The following MSH5 variants were observed in gnomAD, a reference collection of about 807,000 sequenced individuals.
The protein encoded by MSH5 is mutS homolog 5.
In MSH5, 78 loss-of-function variants were observed where a neutral mutation model predicts 107.7. That is an observed-to-expected ratio of 0.72 (90% CI 0.60 to 0.87). The LOEUF (loss-of-function observed/expected upper bound fraction) is 0.87. Among genes scored for constraint, MSH5 ranks in the 40% least tolerant of loss-of-function variants. The probability of loss-of-function intolerance (pLI) is 0.00; values close to 1 mark genes in which losing one functional copy is unlikely to be tolerated. For synonymous variants in MSH5, 326 were observed against 399.5 expected (o/e 0.82, Z 2.19); for missense variants, 889 against 1,046.6 (o/e 0.85, Z 2.08).
intron 12 of MSH5, among the ~76,000 whole-genome samples, chr6:31,756,171 T>G (rs1320013193): frequency 6.6e-6 from 1 of 152,190 alleles, no homozygotes. Context: ...TATTCATTTA[T>G]TTATTTATTT....
Position 31,758,071 on chromosome 6 carries a change from T to C in MSH5, c.1015-94T>C. The C allele has an allele frequency of 6.7e-7, 1 of 1,495,850 alleles. No individual in the cohort carries two copies. The highest frequency in any genetic ancestry group is 9.2e-7 in the Non-Finnish European group (1 of 1,085,318). 92.7% of individuals were successfully genotyped at this position (1,495,850 alleles called of 1,614,324 possible). Reference sequence around the variant, plus strand: ...TCTTCCCTCTTTGTTACTGTGATCTTCCCTACTGGTCTTTGTTCTTCTGAG... The same window carrying C: ...TCTTCCCTCTTTGTTACTGTGATCTCCCCTACTGGTCTTTGTTCTTCTGAG... On this transcript the variant is annotated intron_variant, in intron 12 of 24. Transcript: ENST00000375750. This position sits in a 1 kb window ranked among gnomAD's most constrained non-coding sequence, Gnocchi z 5.1.
rs375962590 is a variant in MSH5, at chr6:31,741,302, T to C, written c.271+16T>C. The C allele has an allele frequency of 3.3e-4, 529 of 1,608,650 alleles. 1 individual carries two copies. Among genetic ancestry groups the C allele is most frequent in the Middle Eastern group, 1.9e-3 (11 of 5,712 alleles). On this transcript the variant is annotated intron_variant, in intron 3 of 24. Transcript: ENST00000375750. ...CTCCAGAGAGGTGGGGATGGAACCA[T>C]GAATTCCTCTGCTCTCTGGGATTGC...
chr6:31,745,636 G>A (rs781351659), intron 9 of MSH5, among the ~76,000 whole-genome samples: 3 of 152,034 alleles, frequency 2.0e-5, no homozygotes, highest in Non-Finnish European at 2.9e-5. Context: ...ATAGAGAAGA[G>A]TTTTGTAACT....
intron 8 of MSH5, 133 bp from the exon 9 acceptor site, chr6:31,745,103 CA>C (rs9279403): frequency 0.064 from 22,745 of 353,118 alleles, 2 homozygotes; most frequent in Non-Finnish European, 0.074. Context: ...GACTCCATCT[CA>C]AAAAAAAAAA....
In MSH5 at chr6:31,761,520, C is replaced by G; in HGVS notation, c.2086C>G (p.Arg696Gly). Reference protein sequence around the residue: ...LAAVLRHWLARGPTCPHIFVA... With the variant: ...LAAVLRHWLAGGPTCPHIFVA... ...CGCTGTGCTCCGACACTGGCTGGCA[C>G]GTGGACCCACATGCCCCCACATCTT... The change falls in exon 22 of 25, where the codon CGT (arginine) becomes GGT (glycine). Residue 696 changes from arginine (R) to glycine (G), a missense_variant. Arg to Gly is a moderately radical substitution (Grantham distance 125, BLOSUM62 -2). Around this residue, in one of 3 missense-constraint regions of MSH5, gnomAD observed 362 missense variants for 456.2 expected, o/e 0.79. Coordinates refer to ENST00000375750, the MANE Select transcript of MSH5 (RefSeq NM_172166.4). This position sits in a 1 kb window ranked among gnomAD's most constrained non-coding sequence, Gnocchi z 5.3. 6.2e-7 allele frequency: 1 copy of G among 1,613,792 alleles called. No individual in the cohort carries two copies. The highest frequency in any genetic ancestry group is 1.7e-4 in the Middle Eastern group (1 of 5,910).
At position 31,761,447 on chromosome 6, in the gene MSH5, A is replaced by C; in HGVS notation, c.2038-25A>C. Reference sequence around the variant, plus strand: ...GCATATGGGGTCCCCATGGCTCCGAATGCTAACCTCTGCCCTCTTTGCAGG... The same window carrying C: ...GCATATGGGGTCCCCATGGCTCCGACTGCTAACCTCTGCCCTCTTTGCAGG... On this transcript the variant is annotated intron_variant, in intron 21 of 24. Coordinates refer to ENST00000375750, the MANE Select transcript of MSH5 (RefSeq NM_172166.4). This position sits in a 1 kb window ranked among gnomAD's most constrained non-coding sequence, Gnocchi z 5.3. 1 of 1,612,166 alleles carries C rather than the reference A, an allele frequency of 6.2e-7. No homozygotes were observed. Among genetic ancestry groups the C allele is most frequent in the East Asian group, 2.2e-5 (1 of 44,886 alleles).
chr6:31,754,485 C>T (rs9296001), intron 12 of MSH5, among the ~76,000 whole-genome samples: 6,275 of 152,080 alleles, frequency 0.041, 185 homozygotes, highest in East Asian at 0.13. Context: ...CTACTTTCCC[C>T]TCTTGGATTA....
intron 6 of MSH5, 46 bp downstream of exon 6, chr6:31,744,071 C>T: frequency 6.2e-7 from 1 of 1,611,374 alleles, no homozygotes; most frequent in Non-Finnish European, 8.5e-7. Flanking sequence ...GGCACAAGTG[C>T]TAGGGCTGAA....
Position 31,744,266 on chromosome 6 carries a change from G to A in MSH5, c.614G>A (p.Ser205Asn), listed in dbSNP as rs765150543. The change falls in exon 7 of 25, where the codon AGC (serine) becomes AAC (asparagine). Residue 205 changes from serine (S) to asparagine (N), a missense_variant. Coordinates refer to ENST00000375750, the MANE Select transcript of MSH5 (RefSeq NM_172166.4). ...IGVELEDYNV[S>N]VPILGFKKFM... is the part of the protein sequence containing the mutation. ...GTTGAACTGGAAGACTATAATGTCA[G>A]CGTCCCCATCCTGGGCTTTAAGAAA... is the stretch of plus-strand genomic sequence containing the variant. The A allele has an allele frequency of 8.7e-6, 14 of 1,614,064 alleles. No individual in the cohort carries two copies. The highest frequency in any genetic ancestry group is 5.5e-5 in the South Asian group (5 of 91,090).
chr6:31,744,681 G>T, intron 8 of MSH5, 100 bp downstream of exon 8: 1 of 1,317,498 alleles, frequency 7.6e-7, no homozygotes, highest in Non-Finnish European at 1.1e-6. Context: ...TAATCCTGGG[G>T]CTATTAAGAT....
At chr6:31,749,736 C>CG (rs1809783296) in intron 10 of MSH5, among the ~76,000 whole-genome samples, 1 of 152,114 alleles carries the variant, frequency 6.6e-6, no homozygotes, top group African/African-American at 2.4e-5. Context: ...GCTATGAACT[C>CG]TATCTAGTAG....
rs925330930 is a variant in MSH5, at chr6:31,759,986, A to T, written c.1685+11A>T. On this transcript the variant is annotated intron_variant, in intron 18 of 24. Transcript: ENST00000375750. The surrounding 1 kb of genome is among the most constrained non-coding windows in gnomAD (Gnocchi z 4.7). Reference sequence around the variant, plus strand: ...AATCCAGAATGGCAGGTAAGAATAGAGGCGGGTGGAGGAATAGACATGAGG... The same window carrying T: ...AATCCAGAATGGCAGGTAAGAATAGTGGCGGGTGGAGGAATAGACATGAGG... The T allele has an allele frequency of 1.2e-6, 2 of 1,612,998 alleles. No individual in the cohort carries two copies. Among genetic ancestry groups the T allele is most frequent in the Non-Finnish European group, 1.7e-6 (2 of 1,179,658 alleles).
rs767273088 is a variant in MSH5 at position 31,759,618 on chromosome 6, C to G, written c.1495+106C>G. ...TTGGGGATGCTTCCAACAGGCCCCT[C>G]CTCTTCCTGCTCTCTGTCTCGCTCA... On this transcript the variant is annotated intron_variant, in intron 17 of 24. Transcript: ENST00000375750. This position sits in a 1 kb window ranked among gnomAD's most constrained non-coding sequence, Gnocchi z 4.7. 2.8e-4 allele frequency: 382 copies of G among 1,359,334 alleles called. 1 individual carries two copies. Among genetic ancestry groups the G allele is most frequent in the Middle Eastern group, 5.0e-4 (2 of 4,008 alleles). 84.2% of individuals were successfully genotyped at this position (1,359,334 alleles called of 1,614,324 possible). A position where few individuals can be genotyped will look rare whatever the true frequency, so the allele number is the denominator to read the frequency against.
chr6:31,761,326 A>G lies in MSH5; in HGVS notation c.2037+64A>G. 6.2e-7 allele frequency: 1 copy of G among 1,607,154 alleles called. No individual in the cohort carries two copies. The highest frequency in any genetic ancestry group is 1.1e-5 in the South Asian group (1 of 90,848). Reference sequence around the variant, plus strand: ...GGAAAATGGAGGAGGATGAAGGAGCATGACAGTGAGGCTGGGCCTCTGGAA... The same window carrying G: ...GGAAAATGGAGGAGGATGAAGGAGCGTGACAGTGAGGCTGGGCCTCTGGAA... On this transcript the variant is annotated intron_variant, in intron 21 of 24. Coordinates refer to ENST00000375750, the MANE Select transcript of MSH5 (RefSeq NM_172166.4). The surrounding 1 kb of genome is among the most constrained non-coding windows in gnomAD (Gnocchi z 5.3).
At chr6:31,745,188 C>A in intron 8 of MSH5, 49 bp from the exon 9 acceptor site, 2 of 1,098,096 alleles carry the variant, frequency 1.8e-6, no homozygotes, top group South Asian at 1.2e-5. Flanking sequence ...AATTCTTATT[C>A]CCTTCAAAAG....
intron 12 of MSH5, among the ~76,000 whole-genome samples, chr6:31,755,241 T>C (rs1293207954): frequency 2.0e-5 from 3 of 152,160 alleles, no homozygotes; most frequent in African/African-American, 7.2e-5. Flanking sequence ...AGCCTCAAAC[T>C]GTTGGGCTCA....
At chr6:31,744,614 G>A (rs113127136) in intron 8 of MSH5, 33 bp downstream of exon 8, 3 of 1,610,546 alleles carry the variant, frequency 1.9e-6, no homozygotes, top group Admixed American at 1.7e-5. Context: ...CTGTCTCTGG[G>A]GAGGGAGAAG....
chr6:31,761,505 C>T lies in MSH5; in HGVS notation c.2071C>T (p.Arg691Ter), dbSNP rs375591471. Residue 691 changes from arginine (R) to a stop codon, truncating the protein, a stop_gained, in exon 22 of 25, where the codon CGA becomes TGA. Coordinates refer to ENST00000375750, the MANE Select transcript of MSH5 (RefSeq NM_172166.4). LOFTEE classifies it high-confidence loss of function. This position sits in a 1 kb window ranked among gnomAD's most constrained non-coding sequence, Gnocchi z 5.3. ...GCTCGCGCTTCTGGCCGCTGTGCTC[C>T]GACACTGGCTGGCACGTGGACCCAC... The part of the protein sequence containing the change: ...DGLALLAAVL[R>*]HWLARGPTCP... The T allele has an allele frequency of 1.2e-5, 19 of 1,613,530 alleles. No individual in the cohort carries two copies. The highest frequency in any genetic ancestry group is 1.7e-5 in the Admixed American group (1 of 60,012).
chr6:31,760,703 C>G lies in MSH5; in HGVS notation c.1826C>G (p.Thr609Arg). Residue 609 changes from threonine (T) to arginine (R), a missense_variant, in exon 20 of 25, where the codon ACA (threonine) becomes AGA (arginine). Thr to Arg is a moderately conservative substitution (Grantham distance 71). Coordinates refer to ENST00000375750, the MANE Select transcript of MSH5 (RefSeq NM_172166.4). This position sits in a 1 kb window ranked among gnomAD's most constrained non-coding sequence, Gnocchi z 5.6. ...TTCCCTATTCAGGTAGGCTTGATCA[C>G]ATTCATGGCCCTGGTAGGCAGCTTT... ...SIYLKQVGLI[T>R]FMALVGSFVP... is the part of the protein sequence containing the mutation. The G allele has an allele frequency of 6.2e-7, 1 of 1,613,044 alleles. No individual in the cohort carries two copies. The highest frequency in any genetic ancestry group is 1.3e-5 in the African/African-American group (1 of 75,070).
Sources: gnomAD v4.1 joint callset for allele counts (sites outside exome capture counted in the v4.1 genomes callset) on GRCh38, gnomAD v4.1.1 for gene constraint, gnomAD v4.1.1 regional missense constraint, Gnocchi (gnomAD v3.1) non-coding constraint, MANE v1.5 for transcripts, NCBI Gene and HGNC (gene_info 2026-07-23, HGNC 2026-07-21) for gene names.